Variants in OTUD7A observed in about 807,000 individuals in gnomAD.
OTUD7A encodes the protein OTU domain-containing protein 7A.
A neutral mutation model predicts 65.7 loss-of-function variants in OTUD7A; 12 were observed. The ratio of observed to expected loss-of-function variants is 0.18; its 90% confidence interval spans 0.12 to 0.30. The LOEUF (loss-of-function observed/expected upper bound fraction) is 0.30, where lower values mean the gene tolerates loss of function less well. Ranked by LOEUF, OTUD7A falls within the 10% of genes least tolerant of loss-of-function variation. The probability of loss-of-function intolerance (pLI) is 1.00; values close to 1 mark genes in which losing one functional copy is unlikely to be tolerated. For missense variants in OTUD7A, 1,148 were observed against 1,304.8 expected, an observed-to-expected ratio of 0.88 and a Z score of 1.85; for synonymous variants, 641 against 586.3, an observed-to-expected ratio of 1.09 and a Z score of -1.35.
chr15:31,623,047 T>C lies in OTUD7A; in HGVS notation c.151+32049A>G, dbSNP rs112641639. Among the ~76,000 whole-genome samples the C allele has an allele frequency of 9.1e-3, 1,388 of 152,340 alleles. 33 individuals are homozygous for C. Among genetic ancestry groups the C allele is most frequent in the African/African-American group, 0.032 (1,336 of 41,570 alleles). On this transcript the variant is annotated intron_variant, in intron 3 of 12. Coordinates refer to ENST00000307050, the MANE Select transcript of OTUD7A (RefSeq NM_001382637.1). Reference sequence around the variant, plus strand: ...AGGTCCACTCCAGAACCTGTTTGCCTGGGTATCAGCAGCAGAGGCTGCAGA... The same window carrying C: ...AGGTCCACTCCAGAACCTGTTTGCCCGGGTATCAGCAGCAGAGGCTGCAGA...
intron 4 of OTUD7A, among the ~76,000 whole-genome samples, chr15:31,567,983 G>C (rs1888930035): frequency 6.6e-6 from 1 of 152,264 alleles, no homozygotes; most frequent in Non-Finnish European, 1.5e-5. Flanking sequence ...CCAGGCAGAA[G>C]CCTGCAGCAG....
chr15:31,661,750 A>G (rs1404985690), intron 1 of OTUD7A, among the ~76,000 whole-genome samples: 1 of 152,220 alleles, frequency 6.6e-6, no homozygotes, highest in Non-Finnish European at 1.5e-5. Context: ...TGCAATATCC[A>G]GTGTGCAAAT....
chr15:31,778,738 TCTCA>T (rs1414802268), intron 1 of OTUD7A, among the ~76,000 whole-genome samples: 2 of 151,488 alleles, frequency 1.3e-5, no homozygotes, highest in African/African-American at 4.9e-5. Context: ...TGTCTCTCTC[TCTCA>T]CACACACACA....
intron 1 of OTUD7A, among the ~76,000 whole-genome samples, chr15:31,756,004 A>G (rs1894802928): frequency 6.6e-6 from 1 of 152,150 alleles, no homozygotes; most frequent in South Asian, 2.1e-4. Context: ...AGAGCAAGGG[A>G]GCAGAGCTGA....
intron 1 of OTUD7A, among the ~76,000 whole-genome samples, chr15:31,839,009 G>T (rs1301255419): frequency 6.6e-6 from 1 of 152,236 alleles, no homozygotes; most frequent in Non-Finnish European, 1.5e-5. Context: ...CTGGGTTGGG[G>T]TGGGGAGTTC....
At chr15:31,558,848 C>T (rs1888585635) in intron 5 of OTUD7A, 121 bp downstream of exon 5, 4 of 1,104,080 alleles carry the variant, frequency 3.6e-6, no homozygotes, top group Admixed American at 4.2e-5. Context: ...ATCTAGAATC[C>T]TAACTGAAAA....
chr15:31,648,894 G>A (rs1176653068), intron 3 of OTUD7A, among the ~76,000 whole-genome samples: 5 of 152,110 alleles, frequency 3.3e-5, no homozygotes, highest in Non-Finnish European at 7.4e-5. Context: ...CTGAGTAGCT[G>A]GGATTACAGG....
intron 3 of OTUD7A, among the ~76,000 whole-genome samples, chr15:31,589,858 G>GT (rs1566933528): frequency 1.3e-5 from 2 of 152,030 alleles, no homozygotes; most frequent in African/African-American, 4.8e-5. Context: ...GTGTTACTCT[G>GT]TAAGATTAGT....
At chr15:31,664,336 AT>A (rs57041516) in intron 1 of OTUD7A, among the ~76,000 whole-genome samples, 30,410 of 125,172 alleles carry the variant, frequency 0.24, 4,716 homozygotes, top group African/African-American at 0.44. Flanking sequence ...CTGTTTGTTG[AT>A]TTTTTTTTTT....
intron 3 of OTUD7A, among the ~76,000 whole-genome samples, chr15:31,645,160 C>T (rs1433567488): frequency 6.6e-6 from 1 of 152,210 alleles, no homozygotes; most frequent in Non-Finnish European, 1.5e-5. Context: ...GGTTCCCCCT[C>T]CCTGTACCAC....
At chr15:31,501,901 C>A in intron 9 of OTUD7A, 62 bp from the exon 10 acceptor site, 1 of 1,523,524 alleles carries the variant, frequency 6.6e-7, no homozygotes, top group South Asian at 1.2e-5. Flanking sequence ...GAGGGGAGGC[C>A]CCTGCATCCC....
chr15:31,621,718 C>T (rs1293240160), intron 3 of OTUD7A, among the ~76,000 whole-genome samples: 2 of 151,766 alleles, frequency 1.3e-5, no homozygotes, highest in African/African-American at 4.8e-5. Context: ...ACTCTTTATC[C>T]TATTTGCCAG....
rs186524461 is a variant in OTUD7A, at chr15:31,645,549, C to T, written c.151+9547G>A. Among the ~76,000 whole-genome samples, 53 of 152,276 alleles carry T rather than the reference C, an allele frequency of 3.5e-4. No homozygotes were observed. In the East Asian group the frequency reaches 7.5e-3, roughly 22 times the overall value. On this transcript the variant is annotated intron_variant, in intron 3 of 12. Transcript: ENST00000307050. ...TGCATGATATTACTTCATCCATCCA[C>T]GTCAGTATGTATCTTATTTTTCTTA...
intron 3 of OTUD7A, among the ~76,000 whole-genome samples, chr15:31,612,960 G>A (rs1020047652): frequency 4.6e-5 from 7 of 152,224 alleles, no homozygotes; most frequent in Middle Eastern, 3.4e-3. Flanking sequence ...TAGACCAATG[G>A]AACAGAATAG....
chr15:31,816,440 C>T (rs1896550274), intron 1 of OTUD7A, among the ~76,000 whole-genome samples: 1 of 152,048 alleles, frequency 6.6e-6, no homozygotes, highest in African/African-American at 2.4e-5. Flanking sequence ...CCTGTAATCC[C>T]AGCACTTTGG....
At chr15:31,774,434 T>A (rs1426238199) in intron 1 of OTUD7A, among the ~76,000 whole-genome samples, 1 of 152,208 alleles carries the variant, frequency 6.6e-6, no homozygotes, top group Non-Finnish European at 1.5e-5. Flanking sequence ...CTGTCCTCTA[T>A]GGAGGAGAAA....
intron 1 of OTUD7A, among the ~76,000 whole-genome samples, chr15:31,739,061 G>T (rs1894268230): frequency 6.6e-6 from 1 of 152,074 alleles, no homozygotes; most frequent in African/African-American, 2.4e-5. Flanking sequence ...CATTTCTGGG[G>T]AGCAGCCCAG....
intron 3 of OTUD7A, among the ~76,000 whole-genome samples, chr15:31,579,881 T>G (rs1052930177): frequency 4.6e-5 from 7 of 152,226 alleles, no homozygotes; most frequent in African/African-American, 1.2e-4. Flanking sequence ...TCCACTGTTT[T>G]GTGTTTTCCA....
chr15:31,606,900 G>A (rs148172590), intron 3 of OTUD7A, among the ~76,000 whole-genome samples: 68 of 152,118 alleles, frequency 4.5e-4, no homozygotes, highest in African/African-American at 1.6e-3. Context: ...ACTACTGTCC[G>A]CTTATTCCAG....
Sources: gnomAD v4.1 joint callset for allele counts (sites outside exome capture counted in the v4.1 genomes callset) on GRCh38, gnomAD v4.1.1 for gene constraint, MANE v1.5 for transcripts, NCBI Gene and HGNC (gene_info 2026-07-23, HGNC 2026-07-21) for gene names.